The following UNC13C variants were observed in gnomAD, a reference collection of about 807,000 sequenced individuals.
UNC13C encodes the protein protein unc-13 homolog C.
A neutral mutation model predicts 245.4 loss-of-function variants in UNC13C; 174 were observed. The observed-to-expected ratio is 0.71, with a 90% CI of 0.63 to 0.80. The LOEUF (loss-of-function observed/expected upper bound fraction) is 0.80, where lower values mean the gene tolerates loss of function less well. UNC13C is among the 30% of genes least tolerant of loss of function. UNC13C has a pLI of 0.00. For missense variants in UNC13C, 2,829 were observed against 2,602.9 expected, an observed-to-expected ratio of 1.09 and a Z score of -1.89; for synonymous variants, 992 against 895.1, an observed-to-expected ratio of 1.11 and a Z score of -1.93.
chr15:54,366,574 G>A (rs1489776240), intron 17 of UNC13C, among the ~76,000 whole-genome samples: 3 of 152,016 alleles, frequency 2.0e-5, no homozygotes, highest in South Asian at 4.2e-4. Flanking sequence ...CAAGGTTTGT[G>A]TGCTAAAATG....
the UNC13C span, among the ~76,000 whole-genome samples, chr15:53,938,925 C>T: frequency 2.0e-5 from 3 of 152,226 alleles, no homozygotes; most frequent in East Asian, 5.8e-4. Context: ...AGTAACCTAA[C>T]ATCTCAGCTA....
intron 2 of UNC13C, among the ~76,000 whole-genome samples, chr15:54,134,539 A>AGTCTCGCT (rs1035987017): frequency 3.9e-5 from 6 of 151,936 alleles, no homozygotes; most frequent in East Asian, 1.9e-4. Flanking sequence ...GGGGTCTCGG[A>AGTCTCGCT]GTCTCGCTGT....
chr15:54,518,473 G>A (rs1472056579), intron 24 of UNC13C, among the ~76,000 whole-genome samples: 1 of 152,160 alleles, frequency 6.6e-6, no homozygotes, highest in Non-Finnish European at 1.5e-5. Context: ...AGCAAGGAAG[G>A]AGAGGGAGAC....
chr15:54,310,815 C>A (rs373036659), intron 13 of UNC13C, among the ~76,000 whole-genome samples: 3 of 151,672 alleles, frequency 2.0e-5, no homozygotes, highest in African/African-American at 7.3e-5. Flanking sequence ...TGCACACACA[C>A]TTTGCTGACC....
At chr15:53,884,079 G>A in the UNC13C span, among the ~76,000 whole-genome samples, 16 of 149,720 alleles carry the variant, frequency 1.1e-4, no homozygotes, top group Admixed American at 1.3e-4. Context: ...GTGCCCACGA[G>A]ACCAGTTGAG....
At chr15:54,589,742 C>T (rs1269404114) in intron 30 of UNC13C, among the ~76,000 whole-genome samples, 1 of 152,022 alleles carries the variant, frequency 6.6e-6, no homozygotes, top group Non-Finnish European at 1.5e-5. Context: ...TGAACATTTT[C>T]TCCCACTCTG....
At chr15:54,063,314 C>G (rs543423252) in intron 2 of UNC13C, among the ~76,000 whole-genome samples, 4 of 152,106 alleles carry the variant, frequency 2.6e-5, no homozygotes, top group South Asian at 2.1e-4. Flanking sequence ...ACACACGAAG[C>G]TGAGTAAGAG....
intron 17 of UNC13C, among the ~76,000 whole-genome samples, chr15:54,387,190 G>A (rs568056287): frequency 3.9e-5 from 6 of 152,282 alleles, no homozygotes; most frequent in African/African-American, 1.4e-4. Context: ...ACAGAGTACA[G>A]GAAAATGCCT....
chr15:54,517,242 A>G (rs1895020625), intron 24 of UNC13C, among the ~76,000 whole-genome samples: 1 of 152,120 alleles, frequency 6.6e-6, no homozygotes, highest in South Asian at 2.1e-4. Flanking sequence ...TACAAAATAT[A>G]GAATAAATTA....
the UNC13C span, chr15:53,911,272 C>G: frequency 6.6e-6 from 1 of 152,238 alleles, no homozygotes; most frequent in African/African-American, 2.4e-5. Flanking sequence ...AGATAAATAG[C>G]CAGGAACAGG....
chr15:54,149,031 C>A (rs981876049), intron 4 of UNC13C, among the ~76,000 whole-genome samples: 3 of 152,096 alleles, frequency 2.0e-5, no homozygotes, highest in Non-Finnish European at 4.4e-5. Context: ...GGGGCAGTTT[C>A]CCCCAGGCTG....
intron 4 of UNC13C, among the ~76,000 whole-genome samples, chr15:54,211,515 A>T (rs1349545018): frequency 6.6e-6 from 1 of 152,110 alleles, no homozygotes; most frequent in Non-Finnish European, 1.5e-5. Flanking sequence ...ACCAGTTTCA[A>T]GCTATCAATG....
chr15:54,153,373 G>A (rs1236310246), intron 4 of UNC13C, among the ~76,000 whole-genome samples: 1 of 151,950 alleles, frequency 6.6e-6, no homozygotes, highest in Non-Finnish European at 1.5e-5. Flanking sequence ...ACCCATATCT[G>A]AGCATTCTTT....
At chr15:53,937,154 T>G in the UNC13C span, among the ~76,000 whole-genome samples, 16,134 of 152,196 alleles carry the variant, frequency 0.11, 1,210 homozygotes, top group East Asian at 0.33. Flanking sequence ...ATTTCGATGT[T>G]GATAACTAGA....
chr15:54,305,173 T>C (rs1384707312), intron 13 of UNC13C, among the ~76,000 whole-genome samples: 3 of 152,252 alleles, frequency 2.0e-5, no homozygotes, highest in African/African-American at 7.2e-5. Flanking sequence ...GCAGAAGCTG[T>C]TTATCAGAAT....
intron 18 of UNC13C, among the ~76,000 whole-genome samples, chr15:54,402,705 G>A (rs529134603): frequency 1.3e-4 from 20 of 152,178 alleles, no homozygotes; most frequent in African/African-American, 4.3e-4. Context: ...TGAAACTTAA[G>A]CATAGAGAGG....
At chr15:54,332,639 C>T (rs183934772) in intron 15 of UNC13C, among the ~76,000 whole-genome samples, 1 of 152,048 alleles carries the variant, frequency 6.6e-6, no homozygotes, top group Non-Finnish European at 1.5e-5. Context: ...ACACATACCA[C>T]AAATATATTC....
the UNC13C span, among the ~76,000 whole-genome samples, chr15:53,932,906 A>G: frequency 1.3e-5 from 2 of 152,194 alleles, no homozygotes; most frequent in Non-Finnish European, 2.9e-5. Flanking sequence ...TAAACATGCC[A>G]AAAGAGGAGC....
chr15:53,867,833 T>C, the UNC13C span, among the ~76,000 whole-genome samples: 1 of 152,168 alleles, frequency 6.6e-6, no homozygotes. Flanking sequence ...AATTTTGTTT[T>C]ATTTTTTAAT....
Sources: allele counts gnomAD v4.1 joint callset (sites outside exome capture counted in the v4.1 genomes callset), GRCh38; gene constraint gnomAD v4.1.1; transcripts MANE v1.5; gene names NCBI Gene and HGNC (gene_info 2026-07-23, HGNC 2026-07-21).